Variants in MYOCD observed in about 807,000 individuals in gnomAD.
MYOCD encodes the protein myocardin.
A neutral mutation model predicts 96.1 loss-of-function variants in MYOCD; 32 were observed. The ratio of observed to expected loss-of-function variants is 0.33; its 90% CI spans 0.25 to 0.45. The LOEUF is 0.45. MYOCD is among the 20% of genes least tolerant of loss of function. The probability of loss-of-function intolerance (pLI) is 1.00; values close to 1 mark genes in which losing one functional copy is unlikely to be tolerated. For synonymous variants in MYOCD, 469 were observed against 469.0 expected (o/e 1.00, Z 0.00); for missense variants, 1,133 against 1,200.6 (o/e 0.94, Z 0.83).
At chr17:12,694,590 C>T (rs1030776013) in intron 1 of MYOCD, among the ~76,000 whole-genome samples, 5 of 152,118 alleles carry the variant, frequency 3.3e-5, no homozygotes, top group African/African-American at 4.8e-5. Context: ...ATTCCAGTAG[C>T]TTCCATGTGA....
intron 9 of MYOCD, among the ~76,000 whole-genome samples, chr17:12,750,365 T>G (rs1053794489): frequency 6.6e-6 from 1 of 152,118 alleles, no homozygotes; most frequent in Non-Finnish European, 1.5e-5. Flanking sequence ...ATACTTTGAA[T>G]AGCAATGTAA....
At chr17:12,670,869 T>C (rs1909670164) in intron 1 of MYOCD, among the ~76,000 whole-genome samples, 1 of 152,208 alleles carries the variant, frequency 6.6e-6, no homozygotes, top group South Asian at 2.1e-4. Context: ...CTACATGGAA[T>C]GTAAAAGTTA....
intron 1 of MYOCD, among the ~76,000 whole-genome samples, chr17:12,702,961 C>A (rs557635602): frequency 6.6e-5 from 10 of 152,056 alleles, no homozygotes; most frequent in African/African-American, 2.4e-4. Flanking sequence ...CCATTTCTGA[C>A]ATTCTTTATT....
At chr17:12,760,980 G>T (rs1430713596) in intron 13 of MYOCD, 2 of 334,062 alleles carry the variant, frequency 6.0e-6, no homozygotes, top group Admixed American at 4.3e-5. Flanking sequence ...TTCCTTAAGT[G>T]TTTTCTCTTG....
intron 6 of MYOCD, among the ~76,000 whole-genome samples, chr17:12,738,009 A>T (rs2032393417): frequency 1.3e-5 from 2 of 152,216 alleles, no homozygotes; most frequent in Non-Finnish European, 1.5e-5. Context: ...GATAACATCA[A>T]ACGGTGTATC....
intron 7 of MYOCD, among the ~76,000 whole-genome samples, chr17:12,741,839 C>T (rs1241354456): frequency 1.3e-5 from 2 of 152,004 alleles, no homozygotes; most frequent in Admixed American, 6.6e-5. Flanking sequence ...CAGCTGGTCC[C>T]GGCAGGCTGG....
At chr17:12,676,244 C>T (rs1012496953) in intron 1 of MYOCD, among the ~76,000 whole-genome samples, 59 of 73,324 alleles carry the variant, frequency 8.0e-4, no homozygotes, top group Admixed American at 2.8e-3. Flanking sequence ...TGCGCGCGCA[C>T]GCACACACAC....
chr17:12,752,395 C>T lies in MYOCD; in HGVS notation c.1126-19C>T. ...TATTGTCGTTAAACAGCACACTAAC[C>T]ACATTCTGATTTCTTTAGGTCTCTG... On this transcript the variant is annotated intron_variant, in intron 9 of 13. Transcript: ENST00000425538. The T allele has an allele frequency of 6.3e-7, 1 of 1,582,480 alleles. No individual in the cohort carries two copies. The highest frequency in any genetic ancestry group is 1.2e-5 in the South Asian group (1 of 86,418).
At chr17:12,700,422 T>G (rs2031010527) in intron 1 of MYOCD, among the ~76,000 whole-genome samples, 1 of 130,342 alleles carries the variant, frequency 7.7e-6, no homozygotes, top group African/African-American at 3.0e-5. Context: ...TTTTTTTTTT[T>G]TTTTTTGAGA....
intron 1 of MYOCD, among the ~76,000 whole-genome samples, chr17:12,702,652 T>C (rs531143369): frequency 3.4e-5 from 5 of 146,476 alleles, no homozygotes; most frequent in African/African-American, 1.3e-4. Context: ...TTTGGATTAC[T>C]TGATATTTTT....
At chr17:12,760,933 C>G in intron 13 of MYOCD, 1 of 484,348 alleles carries the variant, frequency 2.1e-6, no homozygotes, top group East Asian at 3.1e-5. Flanking sequence ...TTTCAGCAAT[C>G]ATTTTAATAG....
chr17:12,697,335 G>GTATATATATATATATATA (rs1007347099), intron 1 of MYOCD, among the ~76,000 whole-genome samples: 8 of 92,026 alleles, frequency 8.7e-5, no homozygotes, highest in South Asian at 4.2e-4. Context: ...TGGTATAGGA[G>GTATATATATATATATATA]TATATATATA....
chr17:12,669,594 AC>A (rs142702973), intron 1 of MYOCD, among the ~76,000 whole-genome samples: 2,311 of 151,978 alleles, frequency 0.015, 69 homozygotes, highest in African/African-American at 0.052. Flanking sequence ...CTTTTTGGCA[AC>A]CCTACCTACA....
At chr17:12,668,009 T>C (rs1909469649) in intron 1 of MYOCD, among the ~76,000 whole-genome samples, 1 of 152,166 alleles carries the variant, frequency 6.6e-6, no homozygotes. Context: ...GATAGTCTCT[T>C]GACAGACAAG....
chr17:12,728,085 A>G (rs1249577211), intron 5 of MYOCD, among the ~76,000 whole-genome samples: 1 of 152,208 alleles, frequency 6.6e-6, no homozygotes, highest in Non-Finnish European at 1.5e-5. Flanking sequence ...CTGAATACCA[A>G]AAGCATTGTG....
In MYOCD at chr17:12,753,340, T is replaced by C. The variant is rs760107065; in HGVS notation, c.2052T>C (p.Thr684=). The C allele has an allele frequency of 1.9e-6, 3 of 1,585,814 alleles. No homozygotes were observed. The highest frequency in any genetic ancestry group is 1.2e-5 in the South Asian group (1 of 86,056). ...CGCCCATCAGCAGCCAGGTGTGCAC[T>C]GCACAGGTAAGAGCACCTTGCGCCA... ...VSSPISSQVC[T]AQNSGAHDGH... The change falls in exon 10 of 14, where the codon ACT becomes ACC. Residue 684 remains threonine (T), a synonymous_variant. Coordinates refer to ENST00000425538, the MANE Select transcript of MYOCD (RefSeq NM_001146312.3).
At chr17:12,736,068 A>G in intron 5 of MYOCD, 93 bp from the exon 6 acceptor site, 1 of 994,138 alleles carries the variant, frequency 1.0e-6, no homozygotes, top group South Asian at 1.5e-5. Flanking sequence ...AGAGAGGTGT[A>G]TTTTTAATAG....
At chr17:12,692,454 T>C (rs1340403668) in intron 1 of MYOCD, among the ~76,000 whole-genome samples, 1 of 152,212 alleles carries the variant, frequency 6.6e-6, no homozygotes, top group Non-Finnish European at 1.5e-5. Flanking sequence ...GTTGTTAATA[T>C]TGAGATTACA....
intron 1 of MYOCD, among the ~76,000 whole-genome samples, chr17:12,692,693 T>C (rs1486607102): frequency 6.6e-6 from 1 of 152,068 alleles, no homozygotes; most frequent in Admixed American, 6.6e-5. Flanking sequence ...AATCCTGATA[T>C]TTCCCTCCTC....
Sources: gnomAD v4.1 joint callset for allele counts (sites outside exome capture counted in the v4.1 genomes callset) on GRCh38, gnomAD v4.1.1 for gene constraint, MANE v1.5 for transcripts, NCBI Gene and HGNC (gene_info 2026-07-23, HGNC 2026-07-21) for gene names.